KTN1: variants seen among roughly 807,000 people sequenced by gnomAD.
The protein encoded by KTN1 is kinectin 1.
In KTN1, 130 loss-of-function variants were observed where a neutral mutation model predicts 222.5. The observed-to-expected ratio is 0.58, with a 90% confidence interval of 0.51 to 0.68. The LOEUF is 0.68. Among genes scored for constraint, KTN1 ranks in the 30% least tolerant of loss-of-function variants. The pLI is 0.00. For missense variants in KTN1, 1,508 were observed against 1,500.4 expected (o/e 1.01, Z -0.08); for synonymous variants, 512 against 496.3 (o/e 1.03, Z -0.42).
chr14:55,640,813 G>GTATTGCTGTAA, intron 15 of KTN1, 120 bp from the exon 16 acceptor site: 3 of 772,336 alleles, frequency 3.9e-6, no homozygotes, highest in Non-Finnish European at 6.5e-6. Flanking sequence ...GAAATATACA[G>GTATTGCTGTAA]TATTGCTGTA....
At position 55,672,920 on chromosome 14, in the gene KTN1, C is replaced by A. The variant is rs746853824; in HGVS notation, c.3604-9C>A. ...AAGTGTGTTAACTTTTCCTTTGTTG[C>A]ATTGCTAGCTGAGAAGAGAACGAGA... On this transcript the variant is annotated splice_polypyrimidine_tract_variant and intron_variant, in intron 38 of 43. Coordinates refer to ENST00000395314, the MANE Select transcript of KTN1 (RefSeq NM_001079521.2). 1 of 1,606,804 alleles carries A rather than the reference C, an allele frequency of 6.2e-7. No homozygotes were observed. The highest frequency in any genetic ancestry group is 8.5e-7 in the Non-Finnish European group (1 of 1,174,176).
intron 29 of KTN1, among the ~76,000 whole-genome samples, chr14:55,658,069 A>G (rs975385002): frequency 1.3e-5 from 2 of 152,196 alleles, no homozygotes; most frequent in African/African-American, 4.8e-5. Context: ...TAAATAATCC[A>G]TCATAACAGT....
At chr14:55,604,043 C>T (rs934615800) in intron 1 of KTN1, among the ~76,000 whole-genome samples, 1 of 152,208 alleles carries the variant, frequency 6.6e-6, no homozygotes, top group African/African-American at 2.4e-5. Context: ...CACTTTCTCC[C>T]TACACCCTTC....
intron 34 of KTN1, among the ~76,000 whole-genome samples, chr14:55,669,724 C>T (rs1433596818): frequency 6.6e-6 from 1 of 151,796 alleles, no homozygotes; most frequent in African/African-American, 2.4e-5. Context: ...TACATTTAGT[C>T]TTGGTTCAGA....
Position 55,640,955 on chromosome 14 carries a change from A to G in KTN1, c.2006A>G (p.Glu669Gly). 2 of 1,611,836 alleles carry G rather than the reference A, an allele frequency of 1.2e-6. No individual in the cohort carries two copies. The highest frequency in any genetic ancestry group is 2.2e-5 in the South Asian group (2 of 90,948). ...NEQAAAAHEL[E>G]KMQQSVYVKD... ...CAGGCTGCTGCTGCACATGAATTGGAGAAGATGCAACAAAGGTGACTAAAG... is the reference window on the plus strand; with the variant it reads ...CAGGCTGCTGCTGCACATGAATTGGGGAAGATGCAACAAAGGTGACTAAAG... Residue 669 changes from glutamate (E) to glycine (G), a missense_variant, in exon 16 of 44, where the codon GAG (glutamate) becomes GGG (glycine). Transcript: ENST00000395314.
intron 18 of KTN1, among the ~76,000 whole-genome samples, chr14:55,646,056 A>G (rs1205526396): frequency 1.3e-5 from 2 of 152,142 alleles, no homozygotes; most frequent in African/African-American, 2.4e-5. Context: ...AAGATAAGGG[A>G]AGATAAGGGA....
chr14:55,657,597 A>G (rs1199430676), intron 29 of KTN1, among the ~76,000 whole-genome samples: 1 of 152,102 alleles, frequency 6.6e-6, no homozygotes. Flanking sequence ...TCTGGAAGAA[A>G]GGTATCTCTC....
chr14:55,618,623 C>CATTA (rs2038721682), intron 4 of KTN1, among the ~76,000 whole-genome samples: 1 of 152,056 alleles, frequency 6.6e-6, no homozygotes. Context: ...GTTGTTAATG[C>CATTA]CTAATACGAG....
chr14:55,629,730 A>G (rs148505392), intron 6 of KTN1, among the ~76,000 whole-genome samples: 1 of 152,348 alleles, frequency 6.6e-6, no homozygotes, highest in East Asian at 1.9e-4. Context: ...AATTAAGAGT[A>G]AACAACAGTG....
chr14:55,591,718 A>C (rs907135129), intron 1 of KTN1, among the ~76,000 whole-genome samples: 1 of 150,656 alleles, frequency 6.6e-6, no homozygotes, highest in Non-Finnish European at 1.5e-5. Context: ...CTGGGATTAC[A>C]GGCATGCACC....
Position 55,647,075 on chromosome 14 carries a change from G to A in KTN1, c.2207+68G>A. 4.1e-6 allele frequency: 4 copies of A among 975,232 alleles called. No homozygotes were observed. The South Asian group carries it at 5.5e-5, about 13-fold the overall frequency. 60.4% of individuals were successfully genotyped at this position (975,232 alleles called of 1,614,324 possible). On this transcript the variant is annotated intron_variant, in intron 19 of 43. Coordinates refer to ENST00000395314, the MANE Select transcript of KTN1 (RefSeq NM_001079521.2). ...TACCAAATTAACTACATTAATTAGAGTTTTAAAATTCTCTTTAAACTTTGT... is the reference window on the plus strand; with the variant it reads ...TACCAAATTAACTACATTAATTAGAATTTTAAAATTCTCTTTAAACTTTGT...
rs1359634684 is a variant in KTN1, at chr14:55,612,406, A to G, written c.358A>G (p.Lys120Glu). Residue 120 changes from lysine to glutamate, a missense_variant, in exon 2 of 44, where the codon AAA becomes GAA. Transcript: ENST00000395314. ...TAGGGAAAGAAAAAAGAAGGAAAAG[A>G]AACAAAAGCCTGTGCTTGAAGAGCA... Reference protein sequence around the residue: ...SVRERKKKEKKQKPVLEEQVI... With the variant: ...SVRERKKKEKEQKPVLEEQVI... 3 of 1,613,996 alleles carry G rather than the reference A, an allele frequency of 1.9e-6. No homozygotes were observed.
Position 55,646,464 on chromosome 14 carries a change from CCTTTCCTTT to C in KTN1, c.2173-507_2173-499del, listed in dbSNP as rs1566788161. ...TCCTTTTCCTTTTCCTTTTCCTTTTCCTTTCCTTTCCTTTCCTTTCCTTTCCTTTCCTTT... is the reference window on the plus strand; with the variant it reads ...TCCTTTTCCTTTTCCTTTTCCTTTTCCCTTTCCTTTCCTTTCCTTTCCTTT... On this transcript the variant is annotated intron_variant, in intron 18 of 43. Coordinates refer to ENST00000395314, the MANE Select transcript of KTN1 (RefSeq NM_001079521.2). Among the ~76,000 whole-genome samples the C allele has an allele frequency of 7.4e-3, 174 of 23,418 alleles. 3 individuals carry two copies. The highest frequency in any genetic ancestry group is 0.02 in the African/African-American group (147 of 7,408). The allele number at this position is 23,418 out of a possible 152,430, so 15.4% of individuals were successfully genotyped here. A position where few individuals can be genotyped will look rare whatever the true frequency, so the allele number is the denominator to read the frequency against.
At chr14:55,639,504 T>A (rs1181896852) in intron 13 of KTN1, among the ~76,000 whole-genome samples, 1 of 151,674 alleles carries the variant, frequency 6.6e-6, no homozygotes, top group African/African-American at 2.4e-5. Flanking sequence ...AAGAGGTAAT[T>A]GTTTAGAAAG....
rs1256449342 is a variant in KTN1 at position 55,684,556 on chromosome 14, A to G, written c.*453A>G. 1.0e-5 allele frequency: 2 copies of G among 192,414 alleles called. No homozygotes were observed. Among genetic ancestry groups the G allele is most frequent in the Non-Finnish European group, 2.2e-5 (2 of 92,212 alleles). The allele number at this position is 192,414 out of a possible 1,614,324, so 11.9% of individuals were successfully genotyped here. A position where few individuals can be genotyped will look rare whatever the true frequency, so the allele number is the denominator to read the frequency against. On this transcript the variant is annotated 3_prime_UTR_variant, in exon 44 of 44. Transcript: ENST00000395314. ...TCGGTTTTTGTAATGGCGTCAGCAA[A>G]TAAAAGGATGCTTATTATTCAAACT...
intron 1 of KTN1, among the ~76,000 whole-genome samples, chr14:55,596,345 G>C (rs2035036951): frequency 6.6e-6 from 1 of 151,840 alleles, no homozygotes; most frequent in South Asian, 2.1e-4. Flanking sequence ...CTAACTCTTA[G>C]GCATTTTCTA....
chr14:55,634,401 C>T (rs1396514324), intron 8 of KTN1, 125 bp from the exon 9 acceptor site: 2 of 687,970 alleles, frequency 2.9e-6, no homozygotes, highest in Non-Finnish European at 4.6e-6. Flanking sequence ...CACTTGTGTT[C>T]TGTTTCAGTT....
intron 1 of KTN1, among the ~76,000 whole-genome samples, chr14:55,580,584 G>C (rs1353169026): frequency 1.3e-5 from 2 of 151,570 alleles, no homozygotes; most frequent in Non-Finnish European, 2.9e-5. Context: ...GGACCTCCTC[G>C]GCCTCGCGGG....
At chr14:55,646,416 TC>T (rs1305235810) in intron 18 of KTN1, among the ~76,000 whole-genome samples, 5 of 136,320 alleles carry the variant, frequency 3.7e-5, no homozygotes, top group South Asian at 4.9e-4. Flanking sequence ...TTCCTTTTTT[TC>T]CTTTCTTTCC....
Sources: allele counts gnomAD v4.1 joint callset (sites outside exome capture counted in the v4.1 genomes callset), GRCh38; gene constraint gnomAD v4.1.1; transcripts MANE v1.5; gene names NCBI Gene and HGNC (gene_info 2026-07-23, HGNC 2026-07-21).